Variants in ROBO1 observed in about 807,000 individuals in gnomAD.
ROBO1 encodes roundabout homolog 1.
Under a neutral mutation model 195.9 loss-of-function variants are expected in ROBO1, and 149 were observed. That is an observed-to-expected ratio of 0.76 (90% CI 0.67 to 0.87). ROBO1 has a LOEUF of 0.87. Ranked by LOEUF, ROBO1 falls within the 40% of genes least tolerant of loss-of-function variation. The pLI is 0.00. For missense variants in ROBO1, 1,933 were observed against 2,068.3 expected (o/e 0.93, Z 1.27); for synonymous variants, 816 against 733.2 (o/e 1.11, Z -1.82).
At chr3:78,629,306 T>A (rs1205232621) in intron 25 of ROBO1, among the ~76,000 whole-genome samples, 1 of 130,770 alleles carries the variant, frequency 7.6e-6, no homozygotes, top group Non-Finnish European at 1.8e-5. Context: ...TGCTTTTTTT[T>A]TAAAAAAAAC....
chr3:79,348,210 C>CAAAAAAAAAAAAAAAAAA (rs71127380), intron 2 of ROBO1, among the ~76,000 whole-genome samples: 1 of 72,956 alleles, frequency 1.4e-5, no homozygotes. Context: ...GACTCCATCT[C>CAAAAAAAAAAAAAAAAAA]AAAAAAAAAA....
At chr3:79,051,428 C>CA (rs1161732223) in intron 3 of ROBO1, among the ~76,000 whole-genome samples, 2 of 151,948 alleles carry the variant, frequency 1.3e-5, no homozygotes, top group Non-Finnish European at 2.9e-5. Flanking sequence ...GCATACCAAC[C>CA]AAAAAAAGTC....
At chr3:78,773,535 A>T (rs559312007) in intron 4 of ROBO1, among the ~76,000 whole-genome samples, 24 of 152,180 alleles carry the variant, frequency 1.6e-4, no homozygotes, top group Admixed American at 3.3e-4. Context: ...GATTTTGATA[A>T]TTTTTAAAAC....
chr3:79,098,177 C>T (rs547465596), intron 3 of ROBO1, among the ~76,000 whole-genome samples: 2 of 151,936 alleles, frequency 1.3e-5, no homozygotes, highest in Admixed American at 1.3e-4. Context: ...CATATGTCTG[C>T]TCACTTTCCA....
intron 4 of ROBO1, among the ~76,000 whole-genome samples, chr3:78,929,744 A>G (rs1346772456): frequency 1.3e-5 from 2 of 152,020 alleles, no homozygotes; most frequent in Non-Finnish European, 2.9e-5. Context: ...GCCACAAGCC[A>G]TCTGCCTACC....
intron 3 of ROBO1, among the ~76,000 whole-genome samples, chr3:79,003,510 T>C (rs1444589426): frequency 6.6e-6 from 1 of 152,140 alleles, no homozygotes; most frequent in South Asian, 2.1e-4. Context: ...CTCTTTCAAG[T>C]ACTTTACATA....
At chr3:79,018,713 C>G in intron 3 of ROBO1, 1 of 1,300,094 alleles carries the variant, frequency 7.7e-7, no homozygotes, top group Middle Eastern at 3.1e-4. Flanking sequence ...GGCTCAGACA[C>G]TTTCAAGAAC....
intron 28 of ROBO1, chr3:78,607,366 C>T: frequency 4.2e-6 from 1 of 235,968 alleles, no homozygotes; most frequent in South Asian, 7.8e-5. Flanking sequence ...GCATGCACCA[C>T]CACACCTGGC....
At chr3:79,270,753 A>G (rs2030475437) in intron 2 of ROBO1, among the ~76,000 whole-genome samples, 1 of 151,916 alleles carries the variant, frequency 6.6e-6, no homozygotes, top group African/African-American at 2.4e-5. Flanking sequence ...AGTTTGATCT[A>G]TTTGAAATGT....
At chr3:79,326,665 G>T (rs1437494945) in intron 2 of ROBO1, among the ~76,000 whole-genome samples, 1 of 152,138 alleles carries the variant, frequency 6.6e-6, no homozygotes, top group Non-Finnish European at 1.5e-5. Flanking sequence ...TGTGGTTTTT[G>T]CCATTAATAC....
intron 1 of ROBO1, among the ~76,000 whole-genome samples, chr3:79,759,078 A>G (rs1434589685): frequency 6.7e-6 from 1 of 149,008 alleles, no homozygotes; most frequent in African/African-American, 2.5e-5. Context: ...TTAATACCCA[A>G]TATTTAAATA....
chr3:79,183,483 G>A (rs1208086916), intron 2 of ROBO1, among the ~76,000 whole-genome samples: 1 of 152,194 alleles, frequency 6.6e-6, no homozygotes, highest in African/African-American at 2.4e-5. Context: ...TAGCTGGCTG[G>A]AAACATGTAG....
At chr3:79,623,030 T>A (rs1414313941) in intron 1 of ROBO1, among the ~76,000 whole-genome samples, 1 of 152,136 alleles carries the variant, frequency 6.6e-6, no homozygotes, top group Non-Finnish European at 1.5e-5. Flanking sequence ...GCGAATCAGA[T>A]GAATGGGGCC....
At chr3:79,405,761 A>G (rs1254990534) in intron 2 of ROBO1, among the ~76,000 whole-genome samples, 1 of 152,186 alleles carries the variant, frequency 6.6e-6, no homozygotes, top group East Asian at 1.9e-4. Flanking sequence ...TTCTTTGCAA[A>G]AGAGATTTCT....
intron 3 of ROBO1, among the ~76,000 whole-genome samples, chr3:79,044,802 T>A (rs545217455): frequency 3.9e-5 from 6 of 152,166 alleles, no homozygotes; most frequent in Admixed American, 2.6e-4. Flanking sequence ...TAAAAAAAAA[T>A]TAATGGATAC....
intron 2 of ROBO1, among the ~76,000 whole-genome samples, chr3:79,467,996 G>A (rs1225912670): frequency 6.6e-6 from 1 of 152,164 alleles, no homozygotes; most frequent in Non-Finnish European, 1.5e-5. Context: ...ACAGCCAAAG[G>A]GTTCATGGAA....
At position 79,756,416 on chromosome 3, in the gene ROBO1, G is replaced by A. The variant is rs950463561; in HGVS notation, c.-51+11336C>T. On this transcript the variant is annotated intron_variant, in intron 1 of 30. Transcript: ENST00000464233. ...AATACAAAATTAGCCAGGTGTGGTGGCGCATGCCTGTAATCCCAGCTACTC... is the reference window on the plus strand; with the variant it reads ...AATACAAAATTAGCCAGGTGTGGTGACGCATGCCTGTAATCCCAGCTACTC... Among the ~76,000 whole-genome samples the A allele has an allele frequency of 3.9e-5, 6 of 152,030 alleles. No individual in the cohort carries two copies. The East Asian group carries it at 1.2e-3, about 29-fold the overall frequency.
intron 3 of ROBO1, among the ~76,000 whole-genome samples, chr3:78,988,862 A>C (rs144456288): frequency 6.6e-6 from 1 of 152,210 alleles, no homozygotes; most frequent in African/African-American, 2.4e-5. Context: ...GAAAGATCAC[A>C]TATCACATAC....
At chr3:79,638,490 G>A (rs1162953807) in intron 1 of ROBO1, among the ~76,000 whole-genome samples, 2 of 152,062 alleles carry the variant, frequency 1.3e-5, no homozygotes, top group Admixed American at 6.6e-5. Flanking sequence ...ACCTGGCTCA[G>A]GATGGTCTTG....
Sources: allele counts gnomAD v4.1 joint callset (sites outside exome capture counted in the v4.1 genomes callset), GRCh38; gene constraint gnomAD v4.1.1; transcripts MANE v1.5; gene names NCBI Gene and HGNC (gene_info 2026-07-23, HGNC 2026-07-21).